ANKS1B: variants seen among roughly 807,000 people sequenced by gnomAD.
The protein encoded by ANKS1B is ankyrin repeat and sterile alpha motif domain-containing protein 1B.
In ANKS1B, 36 loss-of-function variants were observed where a neutral mutation model predicts 148.3. The observed-to-expected ratio is 0.24, with a 90% CI of 0.19 to 0.32. The LOEUF (loss-of-function observed/expected upper bound fraction) is 0.32, where lower values mean the gene tolerates loss of function less well. ANKS1B is among the 10% of genes least tolerant of loss of function. The pLI is 1.00. For missense variants in ANKS1B, 1,157 were observed against 1,542.6 expected (o/e 0.75, Z 4.19); for synonymous variants, 542 against 560.8 (o/e 0.97, Z 0.47).
At chr12:99,905,119 TG>T (rs2093732326) in intron 1 of ANKS1B, among the ~76,000 whole-genome samples, 1 of 152,230 alleles carries the variant, frequency 6.6e-6, no homozygotes, top group African/African-American at 2.4e-5. Flanking sequence ...TCCTTCTTTC[TG>T]TTCTAATTTT....
At chr12:99,103,114 G>T (rs2058371008) in intron 15 of ANKS1B, among the ~76,000 whole-genome samples, 1 of 152,034 alleles carries the variant, frequency 6.6e-6, no homozygotes, top group African/African-American at 2.4e-5. Flanking sequence ...TGAGATAAAG[G>T]GCCTGGAAGA....
intron 12 of ANKS1B, among the ~76,000 whole-genome samples, chr12:99,271,471 G>A (rs1475499773): frequency 6.6e-6 from 1 of 151,662 alleles, no homozygotes; most frequent in African/African-American, 2.4e-5. Flanking sequence ...CCTAAGATTA[G>A]GGATAATGTT....
intron 17 of ANKS1B, among the ~76,000 whole-genome samples, chr12:98,950,123 C>T (rs747136455): frequency 2.0e-5 from 3 of 152,170 alleles, no homozygotes; most frequent in African/African-American, 2.4e-5. Context: ...GCATTAAGAC[C>T]GTAGGTCAGG....
chr12:98,837,264 G>A (rs930826821), intron 17 of ANKS1B, among the ~76,000 whole-genome samples: 1 of 151,636 alleles, frequency 6.6e-6, no homozygotes, highest in African/African-American at 2.4e-5. Flanking sequence ...TTGAACCCGG[G>A]AGGTGGAAGT....
intron 19 of ANKS1B, among the ~76,000 whole-genome samples, chr12:98,821,601 C>T (rs116106048): frequency 0.028 from 4,298 of 152,248 alleles, 77 homozygotes; most frequent in African/African-American, 0.048. Flanking sequence ...ACTGATGGAA[C>T]GTAATACTGA....
chr12:99,446,853 A>C lies in ANKS1B; in HGVS notation c.1439-3044T>G, dbSNP rs369083527. 5.7e-4 allele frequency among the ~76,000 whole-genome samples: 86 copies of C among 152,196 alleles called. No homozygotes were observed. In the South Asian group the frequency reaches 0.011, roughly 19 times the overall value. On this transcript the variant is annotated intron_variant, in intron 10 of 26. Coordinates refer to ENST00000683438, the MANE Select transcript of ANKS1B (RefSeq NM_001352186.2). ...TGAGTACTATATAGTATAATATTTA[A>C]TATTTGGAAGCTGGAAGATATGTTA...
In ANKS1B at chr12:99,565,948, C is replaced by T. The variant is rs561819264; in HGVS notation, c.1273-61307G>A. Among the ~76,000 whole-genome samples the T allele has an allele frequency of 2.6e-5, 4 of 152,218 alleles. No homozygotes were observed. In the East Asian group the frequency reaches 7.7e-4, roughly 29 times the overall value. On this transcript the variant is annotated intron_variant, in intron 9 of 26. Coordinates refer to ENST00000683438, the MANE Select transcript of ANKS1B (RefSeq NM_001352186.2). ...CAATGCCCTTCAGCCTCCTAGAGGC[C>T]CTCAGGTTTGTGTGAAAAAATCAGT...
rs546409447 is a variant in ANKS1B, at chr12:99,930,798, A to G, written c.134+53306T>C. Among the ~76,000 whole-genome samples the G allele has an allele frequency of 3.9e-4, 60 of 152,282 alleles. No individual in the cohort carries two copies. The East Asian group carries it at 0.011, about 28-fold the overall frequency. On this transcript the variant is annotated intron_variant, in intron 1 of 26. Transcript: ENST00000683438. ...AAGTCAGTGTGGTGATTCCTCAGGG[A>G]TCTAGAACTAGAAGTACCATTTGAC...
At chr12:98,885,260 G>C (rs2099736879) in intron 17 of ANKS1B, among the ~76,000 whole-genome samples, 2 of 152,118 alleles carry the variant, frequency 1.3e-5, no homozygotes, top group South Asian at 2.1e-4. Flanking sequence ...ACCACTCAAG[G>C]AAAGGAACAT....
At chr12:98,983,532 C>A (rs2153232481) in intron 17 of ANKS1B, among the ~76,000 whole-genome samples, 1 of 152,296 alleles carries the variant, frequency 6.6e-6, no homozygotes, top group South Asian at 2.1e-4. Flanking sequence ...AAGAATAATT[C>A]CAGCGATTAA....
intron 14 of ANKS1B, among the ~76,000 whole-genome samples, chr12:99,172,416 G>A (rs2077876794): frequency 2.0e-5 from 3 of 152,130 alleles, no homozygotes; most frequent in Admixed American, 2.0e-4. Flanking sequence ...AACCTGCAAG[G>A]CTCTTTCTCT....
At chr12:98,902,098 AGGCAAGCAG>A (rs2099772917) in intron 17 of ANKS1B, among the ~76,000 whole-genome samples, 1 of 152,174 alleles carries the variant, frequency 6.6e-6, no homozygotes, top group African/African-American at 2.4e-5. Flanking sequence ...TTTTTCCTGA[AGGCAAGCAG>A]GCTTGGAATC....
chr12:99,319,405 A>G (rs2084795789), intron 12 of ANKS1B, among the ~76,000 whole-genome samples: 1 of 152,216 alleles, frequency 6.6e-6, no homozygotes, highest in South Asian at 2.1e-4. Flanking sequence ...TGTTGAATTG[A>G]TCCCTTTACC....
At chr12:99,042,295 T>C (rs1475059976) in intron 17 of ANKS1B, among the ~76,000 whole-genome samples, 1 of 152,178 alleles carries the variant, frequency 6.6e-6, no homozygotes, top group Non-Finnish European at 1.5e-5. Flanking sequence ...TGCTCATTTT[T>C]GTTTGTTTGT....
At chr12:99,686,114 A>G (rs1203624105) in intron 8 of ANKS1B, among the ~76,000 whole-genome samples, 1 of 152,136 alleles carries the variant, frequency 6.6e-6, no homozygotes, top group East Asian at 1.9e-4. Flanking sequence ...ATTTCCCAAA[A>G]AGCTATTGAA....
chr12:99,318,400 G>A (rs1489164335), intron 12 of ANKS1B, among the ~76,000 whole-genome samples: 3 of 152,272 alleles, frequency 2.0e-5, no homozygotes, highest in African/African-American at 4.8e-5. Flanking sequence ...TTGGGAGGGT[G>A]TATGTGTTCA....
At chr12:99,448,296 G>A (rs1480886777) in intron 10 of ANKS1B, among the ~76,000 whole-genome samples, 1 of 152,126 alleles carries the variant, frequency 6.6e-6, no homozygotes, top group Non-Finnish European at 1.5e-5. Context: ...TCCGTTATCA[G>A]TATAGATGAA....
chr12:99,151,543 C>T (rs556680341), intron 15 of ANKS1B, among the ~76,000 whole-genome samples: 1 of 147,900 alleles, frequency 6.8e-6, no homozygotes, highest in East Asian at 2.0e-4. Context: ...AAAAAAAAAC[C>T]AAAAACAAAA....
At chr12:99,510,081 C>A (rs560281220) in intron 9 of ANKS1B, among the ~76,000 whole-genome samples, 1 of 152,096 alleles carries the variant, frequency 6.6e-6, no homozygotes, top group East Asian at 1.9e-4. Flanking sequence ...ACTATTGAGA[C>A]CTACTATTCA....
Sources: allele counts gnomAD v4.1 joint callset (sites outside exome capture counted in the v4.1 genomes callset), GRCh38; gene constraint gnomAD v4.1.1; transcripts MANE v1.5; gene names NCBI Gene and HGNC (gene_info 2026-07-23, HGNC 2026-07-21).